The following CNGA4 variants were observed in gnomAD, a reference collection of about 807,000 sequenced individuals.
The protein encoded by CNGA4 is cyclic nucleotide-gated channel alpha-4.
A neutral mutation model predicts 45.6 loss-of-function variants in CNGA4; 32 were observed. The ratio of observed to expected loss-of-function variants is 0.70; its 90% confidence interval spans 0.53 to 0.94. The LOEUF (loss-of-function observed/expected upper bound fraction) is 0.94. Among genes scored for constraint, CNGA4 ranks in the 40% least tolerant of loss-of-function variants. The pLI, the probability that CNGA4 is intolerant of heterozygous loss-of-function variation, is 0.00. For missense variants in CNGA4, 726 were observed against 755.1 expected (o/e 0.96, Z 0.45); for synonymous variants, 293 against 304.6 (o/e 0.96, Z 0.40).
chr11:6,239,961 T>C (rs1847887456), intron 3 of CNGA4, 105 bp from the exon 4 acceptor site: 2 of 1,449,748 alleles, frequency 1.4e-6, no homozygotes, highest in Non-Finnish European at 1.9e-6. Context: ...TATGCCTGGC[T>C]CCACTCTGTC....
chr11:6,240,492 G>A lies in CNGA4; in HGVS notation c.698G>A (p.Gly233Asp). ...YFSTLILTTVGDTPPPAREEE... is the reference protein window; with the variant it reads ...YFSTLILTTVDDTPPPAREEE... ...TCCACGCTGATACTGACTACAGTGG[G>A]CGATACACCGCCGCCAGCCAGGGAA... Residue 233 changes from glycine (G) to aspartate (D), a missense_variant, in exon 4 of 6, where the codon GGC becomes GAC. Coordinates refer to ENST00000379936, the MANE Select transcript of CNGA4 (RefSeq NM_001037329.4). This position sits in a 1 kb window ranked among gnomAD's most constrained non-coding sequence, Gnocchi z 4.9. The A allele has an allele frequency of 6.2e-7, 1 of 1,614,210 alleles. No homozygotes were observed. Among genetic ancestry groups the A allele is most frequent in the Non-Finnish European group, 8.5e-7 (1 of 1,180,042 alleles).
rs764343588 is a variant in CNGA4, at chr11:6,240,697, G to T, written c.903G>T (p.Arg301=). 2 of 1,612,776 alleles carry T rather than the reference G, an allele frequency of 1.2e-6. No individual in the cohort carries two copies. Among genetic ancestry groups the T allele is most frequent in the Non-Finnish European group, 8.5e-7 (1 of 1,179,158 alleles). ...KLQHVNRKLE[R]RVIDWYQHLQ... Reference sequence around the variant, plus strand: ...AGCACGTCAACCGCAAGCTGGAGCGGCGAGTTATTGACTGGTGAGAAGGCG... The same window carrying T: ...AGCACGTCAACCGCAAGCTGGAGCGTCGAGTTATTGACTGGTGAGAAGGCG... The change falls in exon 4 of 6, where the codon CGG becomes CGT. Residue 301 remains arginine, a synonymous_variant. Transcript: ENST00000379936. This position sits in a 1 kb window ranked among gnomAD's most constrained non-coding sequence, Gnocchi z 4.9.
At chr11:6,243,597 C>T (rs1847947642) in intron 5 of CNGA4, among the ~76,000 whole-genome samples, 1 of 152,340 alleles carries the variant, frequency 6.6e-6, no homozygotes, top group African/African-American at 2.4e-5. Context: ...TATCTTAGGA[C>T]ATCCCTTCCT....
upstream of CNGA4, among the ~76,000 whole-genome samples, chr11:6,236,488 T>A (rs192897021): frequency 5.3e-5 from 8 of 152,226 alleles, no homozygotes; most frequent in East Asian, 1.5e-3. Flanking sequence ...GGTTTGATGA[T>A]TGGGTGGATA....
chr11:6,239,759 C>T lies in CNGA4; in HGVS notation c.240C>T (p.Tyr80=). The part of the protein sequence containing the change: ...LVLDYTSDLL[Y]LLDMVVRFHT... ...TGGACTACACGAGTGACCTGCTATA[C>T]CTACTAGACATGGTGGTGCGCTTCC... is the stretch of plus-strand genomic sequence containing the variant. The change falls in exon 3 of 6, where the codon TAC becomes TAT. Residue 80 remains tyrosine (Y), a synonymous_variant. Transcript: ENST00000379936. 6.2e-7 allele frequency: 1 copy of T among 1,614,110 alleles called. No homozygotes were observed. The highest frequency in any genetic ancestry group is 8.5e-7 in the Non-Finnish European group (1 of 1,179,962).
chr11:6,241,752 T>TG lies in CNGA4; in HGVS notation c.1243dup (p.Glu415GlyfsTer56), dbSNP rs1847923483. 2.5e-6 allele frequency: 4 copies of TG among 1,613,962 alleles called. No homozygotes were observed. The highest frequency in any genetic ancestry group is 3.4e-6 in the Non-Finnish European group (4 of 1,180,002). On this transcript the variant is annotated frameshift_variant, in exon 5 of 6. Coordinates refer to ENST00000379936, the MANE Select transcript of CNGA4 (RefSeq NM_001037329.4). LOFTEE classifies it high-confidence loss of function. The stretch of plus-strand genomic sequence containing the variant: ...CTGTGCTCGGTGCAGGGCTCTACTT[T>TG]GGGGAGATCAGCATCATCAACATCA...
At position 6,240,970 on chromosome 11, in the gene CNGA4, G is replaced by C. The variant is rs1159989700; in HGVS notation, c.917+259G>C. Among the ~76,000 whole-genome samples, 5 of 152,198 alleles carry C rather than the reference G, an allele frequency of 3.3e-5. No individual in the cohort carries two copies. The highest frequency in any genetic ancestry group is 1.2e-4 in the African/African-American group (5 of 41,444). On this transcript the variant is annotated intron_variant, in intron 4 of 5. Transcript: ENST00000379936. This position sits in a 1 kb window ranked among gnomAD's most constrained non-coding sequence, Gnocchi z 4.9. Reference sequence around the variant, plus strand: ...AAGGATAATATGGAGACCAGGGAATGGGAAGTGCCACTGCCTGGTAGGGCT... The same window carrying C: ...AAGGATAATATGGAGACCAGGGAATCGGAAGTGCCACTGCCTGGTAGGGCT...
rs2133874737 is a variant in CNGA4, at chr11:6,240,121, C to T, written c.327C>T (p.Tyr109=). 6.2e-7 allele frequency: 1 copy of T among 1,614,046 alleles called. No individual in the cohort carries two copies. Among genetic ancestry groups the T allele is most frequent in the Non-Finnish European group, 8.5e-7 (1 of 1,179,972 alleles). ...ACAAGGGTAGGATCTCGAGTCGCTA[C>T]GTTCGCACCTGGAGTTTCTTCTTGG... is the stretch of plus-strand genomic sequence containing the variant. The part of the protein sequence containing the change: ...VVDKGRISSR[Y]VRTWSFFLDL... Residue 109 remains tyrosine, a synonymous_variant, in exon 4 of 6, where the codon TAC becomes TAT. Coordinates refer to ENST00000379936, the MANE Select transcript of CNGA4 (RefSeq NM_001037329.4). This position sits in a 1 kb window ranked among gnomAD's most constrained non-coding sequence, Gnocchi z 4.9.
Position 6,240,441 on chromosome 11 carries a change from G to T in CNGA4, c.647G>T (p.Arg216Leu). Residue 216 changes from arginine to leucine, a missense_variant, in exon 4 of 6, where the codon CGC becomes CTC. By Grantham distance (102) the Arg-to-Leu change is moderately radical. Coordinates refer to ENST00000379936, the MANE Select transcript of CNGA4 (RefSeq NM_001037329.4). The surrounding 1 kb of genome is among the most constrained non-coding windows in gnomAD (Gnocchi z 4.9). ...CAGCCTGGCTTTGAGCGCCTGCGGC[G>T]CCAGTACCTCTATAGCTTTTACTTC... ...PAQPGFERLR[R>L]QYLYSFYFST... is the part of the protein sequence containing the mutation. 1 of 1,614,176 alleles carries T rather than the reference G, an allele frequency of 6.2e-7. No homozygotes were observed.
At chr11:6,244,620 ACACACACAC>A (rs967609755), downstream of CNGA4, among the ~76,000 whole-genome samples, 1 of 150,416 alleles carries the variant, frequency 6.6e-6, no homozygotes, top group African/African-American at 2.5e-5. This position sits in a 1 kb window ranked among gnomAD's most constrained non-coding sequence, Gnocchi z 4.5. Flanking sequence ...ACACACACAC[ACACACACAC>A]ATTTGCTCAT....
intron 5 of CNGA4, 111 bp from the exon 6 acceptor site, chr11:6,243,838 A>T (rs908059318): frequency 2.1e-6 from 2 of 943,992 alleles, no homozygotes; most frequent in African/African-American, 3.3e-5. Flanking sequence ...ATGAGGCAGA[A>T]GGAGAGGCTC....
intron 3 of CNGA4, 126 bp downstream of exon 3, chr11:6,239,916 T>C: frequency 3.0e-6 from 4 of 1,334,524 alleles, no homozygotes; most frequent in Non-Finnish European, 4.1e-6. Context: ...CCTGACAGCA[T>C]CCCAGTGCTC....
At chr11:6,234,796 G>A (rs1414881671), upstream of CNGA4, 4 of 152,812 alleles carry the variant, frequency 2.6e-5, no homozygotes, top group Admixed American at 6.5e-5. Flanking sequence ...AAACGCAAGG[G>A]CGGGGTCGCC....
chr11:6,235,588 A>G (rs1303815231), upstream of CNGA4: 1 of 957,986 alleles, frequency 1.0e-6, no homozygotes, highest in East Asian at 1.2e-4. Flanking sequence ...GGAAACAAGC[A>G]AGAGTAAGAT....
chr11:6,242,095 A>G (rs1847927625), intron 5 of CNGA4: 1 of 431,152 alleles, frequency 2.3e-6, no homozygotes, highest in Non-Finnish European at 4.1e-6. Context: ...AATAGCTAAT[A>G]TTTATTACCT....
At chr11:6,237,455 G>A (rs1564875978), upstream of CNGA4, among the ~76,000 whole-genome samples, 1 of 151,948 alleles carries the variant, frequency 6.6e-6, no homozygotes, top group African/African-American at 2.4e-5. Context: ...GAGAGTTCTC[G>A]GGAGCCACTA....
chr11:6,235,501 T>C (rs1847819611), upstream of CNGA4: 1 of 985,280 alleles, frequency 1.0e-6, no homozygotes, highest in Non-Finnish European at 1.2e-6. Context: ...TTTGCATGTA[T>C]AGAGGATGAG....
upstream of CNGA4, chr11:6,234,849 C>G (rs531169879): frequency 3.5e-4 from 53 of 152,866 alleles, no homozygotes; most frequent in Non-Finnish European, 2.9e-5. Context: ...CTCTTGGTTC[C>G]GTCCCTTCGT....
intron 3 of CNGA4, 80 bp downstream of exon 3, chr11:6,239,870 A>G (rs1304907021): frequency 3.5e-6 from 5 of 1,444,834 alleles, no homozygotes; most frequent in Non-Finnish European, 4.8e-6. Flanking sequence ...CAAGAAAGGC[A>G]CCCCCACCGT....
Sources: allele counts gnomAD v4.1 joint callset (sites outside exome capture counted in the v4.1 genomes callset), GRCh38; gene constraint gnomAD v4.1.1; non-coding constraint Gnocchi (gnomAD v3.1); transcripts MANE v1.5; gene names NCBI Gene and HGNC (gene_info 2026-07-23, HGNC 2026-07-21).